The following EYS variants were observed in gnomAD, a reference collection of about 807,000 sequenced individuals.
EYS encodes the protein EGF-like photoreceptor maintenance factor, also known as protein eyes shut homolog.
A neutral mutation model predicts 282.1 loss-of-function variants in EYS; 250 were observed. That is an observed-to-expected ratio of 0.89 (90% CI 0.80 to 0.98). The LOEUF (loss-of-function observed/expected upper bound fraction) is 0.98, where lower values mean the gene tolerates loss of function less well. Among genes scored for constraint, EYS ranks in the 50% least tolerant of loss-of-function variants. The pLI, the probability that EYS is intolerant of heterozygous loss-of-function variation, is 0.00. For synonymous variants in EYS, 1,355 were observed against 1,282.9 expected (o/e 1.06, Z -1.20); for missense variants, 4,016 against 3,709.0 (o/e 1.08, Z -2.15).
intron 12 of EYS, among the ~76,000 whole-genome samples, chr6:65,153,087 T>C (rs888820784): frequency 2.0e-5 from 3 of 151,858 alleles, no homozygotes; most frequent in East Asian, 1.9e-4. Context: ...TTTTAACTAA[T>C]GAGAATATGC....
chr6:64,915,719 C>T (rs1216814493), intron 15 of EYS, among the ~76,000 whole-genome samples: 3 of 152,096 alleles, frequency 2.0e-5, no homozygotes, highest in Non-Finnish European at 4.4e-5. Context: ...CATCACATCA[C>T]ATTTTAAAAT....
chr6:65,022,447 T>G (rs936704051), intron 13 of EYS, among the ~76,000 whole-genome samples: 7 of 152,172 alleles, frequency 4.6e-5, no homozygotes, highest in Admixed American at 3.3e-4. Flanking sequence ...GATGACATCT[T>G]GGCTAGGCTG....
intron 28 of EYS, among the ~76,000 whole-genome samples, chr6:64,396,335 C>T (rs1351785133): frequency 6.6e-6 from 1 of 152,016 alleles, no homozygotes; most frequent in East Asian, 1.9e-4. Flanking sequence ...CAAAAAAGTA[C>T]TTAGAGTTCT....
chr6:64,647,291 A>C (rs910199857), intron 22 of EYS, among the ~76,000 whole-genome samples: 2 of 152,174 alleles, frequency 1.3e-5, no homozygotes, highest in Non-Finnish European at 2.9e-5. Context: ...GAGAAAGGTC[A>C]AAATTAATGC....
chr6:64,467,097 T>C (rs1582790654), intron 26 of EYS, among the ~76,000 whole-genome samples: 1 of 152,174 alleles, frequency 6.6e-6, no homozygotes, highest in Non-Finnish European at 1.5e-5. Flanking sequence ...GTAAAAGTCT[T>C]ACAAAAACTC....
chr6:65,442,928 A>G (rs1389960876), intron 5 of EYS, among the ~76,000 whole-genome samples: 1 of 132,488 alleles, frequency 7.5e-6, no homozygotes, highest in Non-Finnish European at 1.8e-5. Context: ...ATATGTACAT[A>G]TATGTATATA....
At chr6:64,203,604 A>G (rs1281719690) in intron 31 of EYS, among the ~76,000 whole-genome samples, 1 of 152,168 alleles carries the variant, frequency 6.6e-6, no homozygotes, top group Non-Finnish European at 1.5e-5. Context: ...GTTTTTCTGT[A>G]TGTTTTAAGA....
At chr6:64,228,812 G>GTT (rs1297966757) in intron 31 of EYS, among the ~76,000 whole-genome samples, 1 of 151,894 alleles carries the variant, frequency 6.6e-6, no homozygotes, top group Non-Finnish European at 1.5e-5. Flanking sequence ...ATCCTCCATT[G>GTT]TTTTTTTCTG....
chr6:65,225,397 A>T (rs766715807), intron 12 of EYS, among the ~76,000 whole-genome samples: 9 of 151,834 alleles, frequency 5.9e-5, no homozygotes, highest in Non-Finnish European at 8.8e-5. Context: ...TATCCCAGAA[A>T]TGCAAGGAGT....
At chr6:64,707,886 A>T (rs914834964) in intron 22 of EYS, among the ~76,000 whole-genome samples, 3 of 152,084 alleles carry the variant, frequency 2.0e-5, no homozygotes, top group Admixed American at 6.5e-5. Flanking sequence ...AAGAAAAAAA[A>T]CATGAAGTTG....
intron 35 of EYS, among the ~76,000 whole-genome samples, chr6:63,900,585 G>A (rs1317249656): frequency 6.6e-6 from 1 of 152,182 alleles, no homozygotes; most frequent in African/African-American, 2.4e-5. Flanking sequence ...GCACACAGGT[G>A]TAGAGGAGAT....
intron 26 of EYS, among the ~76,000 whole-genome samples, chr6:64,566,090 T>A (rs1765559954): frequency 6.6e-6 from 1 of 152,048 alleles, no homozygotes; most frequent in African/African-American, 2.4e-5. Flanking sequence ...ATTTCAAAAA[T>A]TTTTATCTCT....
chr6:65,259,867 T>C (rs1167262923), intron 12 of EYS, among the ~76,000 whole-genome samples: 1 of 152,124 alleles, frequency 6.6e-6, no homozygotes, highest in Non-Finnish European at 1.5e-5. Context: ...CAGTTCTGCC[T>C]GGAGTAGAAA....
At chr6:64,585,385 G>T (rs537420456) in intron 26 of EYS, among the ~76,000 whole-genome samples, 1 of 152,100 alleles carries the variant, frequency 6.6e-6, no homozygotes, top group Non-Finnish European at 1.5e-5. Context: ...CTACTTGGAT[G>T]ATGGGATCTG....
intron 12 of EYS, among the ~76,000 whole-genome samples, chr6:65,113,005 A>C (rs1775257533): frequency 6.6e-6 from 1 of 152,088 alleles, no homozygotes; most frequent in African/African-American, 2.4e-5. Flanking sequence ...TTGCGATAGC[A>C]TGCAGTATTA....
At position 64,647,044 on chromosome 6, in the gene EYS, A is replaced by G. The variant is rs145782221; in HGVS notation, c.3444-20799T>C. On this transcript the variant is annotated intron_variant, in intron 22 of 42. Transcript: ENST00000503581. ...AAGTTGATTTTTTTCTAATTTTCCA[A>G]CTTATAAAAGAAACCACTTACTGTG... Among the ~76,000 whole-genome samples, 406 of 152,296 alleles carry G rather than the reference A, an allele frequency of 2.7e-3. 2 individuals are homozygous for G. The highest frequency in any genetic ancestry group is 9.2e-3 in the African/African-American group (382 of 41,568).
At chr6:65,175,384 A>G (rs1399949577) in intron 12 of EYS, among the ~76,000 whole-genome samples, 2 of 151,488 alleles carry the variant, frequency 1.3e-5, no homozygotes, top group East Asian at 3.9e-4. Context: ...CAAACTATGC[A>G]GGATATCCAA....
chr6:64,034,437 C>T (rs2149832573), intron 33 of EYS, among the ~76,000 whole-genome samples: 1 of 152,340 alleles, frequency 6.6e-6, no homozygotes, highest in East Asian at 1.9e-4. Flanking sequence ...GTGACTTGCA[C>T]ACACTCTCAA....
intron 35 of EYS, among the ~76,000 whole-genome samples, chr6:63,963,315 C>G (rs1028966167): frequency 2.6e-5 from 4 of 151,578 alleles, no homozygotes; most frequent in Non-Finnish European, 5.9e-5. Flanking sequence ...AAAACCCAAT[C>G]ATGTAACAAA....
Sources: gnomAD v4.1 joint callset for allele counts (sites outside exome capture counted in the v4.1 genomes callset) on GRCh38, gnomAD v4.1.1 for gene constraint, MANE v1.5 for transcripts, NCBI Gene and HGNC (gene_info 2026-07-23, HGNC 2026-07-21) for gene names.